Variants in AKAP6 observed in about 807,000 individuals in gnomAD.
AKAP6 encodes the protein A-kinase anchoring protein 6.
A neutral mutation model predicts 188.5 loss-of-function variants in AKAP6; 58 were observed. The observed-to-expected ratio is 0.31, with a 90% CI of 0.25 to 0.38. The LOEUF is 0.38. Among genes scored for constraint, AKAP6 ranks in the 10% least tolerant of loss-of-function variants. The pLI, the probability that AKAP6 is intolerant of heterozygous loss-of-function variation, is 1.00. For missense variants in AKAP6, 2,710 were observed against 2,740.0 expected (o/e 0.99, Z 0.24); for synonymous variants, 989 against 998.6 (o/e 0.99, Z 0.18).
chr14:32,713,347 T>G (rs1736300741), intron 9 of AKAP6, among the ~76,000 whole-genome samples: 1 of 152,024 alleles, frequency 6.6e-6, no homozygotes, highest in African/African-American at 2.4e-5. Flanking sequence ...GAGCACTGGC[T>G]TCAACTCAAC....
At chr14:32,497,533 G>A (rs899834716) in intron 2 of AKAP6, among the ~76,000 whole-genome samples, 6 of 152,024 alleles carry the variant, frequency 3.9e-5, no homozygotes, top group Non-Finnish European at 8.8e-5. Context: ...CTTGGGAAAT[G>A]TTCCATAGAC....
rs1064797187 is a variant in AKAP6, at chr14:32,545,378, A to G, written c.725A>G (p.Asp242Gly). ...GAGGATTTGCTCAGTGGGCTAGGTGACATGACCTCTAGCCAAGTCAAAACC... is the reference window on the plus strand; with the variant it reads ...GAGGATTTGCTCAGTGGGCTAGGTGGCATGACCTCTAGCCAAGTCAAAACC... ...PSEDLLSGLGDMTSSQVKTKP... is the reference protein window; with the variant it reads ...PSEDLLSGLGGMTSSQVKTKP... Residue 242 changes from aspartate (D) to glycine (G), a missense_variant, in exon 4 of 14, where the codon GAC (aspartate) becomes GGC (glycine). Physicochemically the swap from Asp to Gly is moderately conservative, Grantham distance 94. This residue lies in a region of AKAP6 where 237 missense variants were observed against 313.9 expected (regional missense o/e 0.76). Coordinates refer to ENST00000280979, the MANE Select transcript of AKAP6 (RefSeq NM_004274.5). 6.2e-7 allele frequency: 1 copy of G among 1,614,198 alleles called. No individual in the cohort carries two copies. Among genetic ancestry groups the G allele is most frequent in the Non-Finnish European group, 8.5e-7 (1 of 1,180,008 alleles).
chr14:32,362,680 C>A (rs915300424), intron 1 of AKAP6, among the ~76,000 whole-genome samples: 12 of 152,130 alleles, frequency 7.9e-5, no homozygotes, highest in African/African-American at 2.7e-4. Flanking sequence ...CTGGTAGGGA[C>A]AGGCAAGTTA....
At chr14:32,726,343 C>A in intron 9 of AKAP6, 1 of 362,354 alleles carries the variant, frequency 2.8e-6, no homozygotes, top group Non-Finnish European at 3.8e-6. Flanking sequence ...TTGGTTGAAA[C>A]TAATTAAAGA....
chr14:32,803,028 G>T (rs1193272464), intron 12 of AKAP6, among the ~76,000 whole-genome samples: 4 of 152,204 alleles, frequency 2.6e-5, no homozygotes, highest in African/African-American at 9.6e-5. Flanking sequence ...AACTCGGGAG[G>T]CAGAGGCTGC....
chr14:32,418,971 G>C (rs1449146579), intron 1 of AKAP6, among the ~76,000 whole-genome samples: 2 of 151,978 alleles, frequency 1.3e-5, no homozygotes, highest in Non-Finnish European at 2.9e-5. Context: ...TAAATTACTT[G>C]TTCTAGGGAT....
At chr14:32,437,969 T>TGTCAA (rs1435628151) in intron 2 of AKAP6, among the ~76,000 whole-genome samples, 1 of 152,188 alleles carries the variant, frequency 6.6e-6, no homozygotes, top group African/African-American at 2.4e-5. Context: ...GGACCTGAGC[T>TGTCAA]GTCAAGTTTT....
intron 2 of AKAP6, among the ~76,000 whole-genome samples, chr14:32,487,381 T>C (rs1235450425): frequency 6.6e-6 from 1 of 152,248 alleles, no homozygotes; most frequent in African/African-American, 2.4e-5. Context: ...TGGAATAGTT[T>C]CAGCTCCATC....
rs1477744315 is a variant in AKAP6, at chr14:32,546,768, C to G, written c.2115C>G (p.Ala705=). ...RVSPSSSSDI[A]SSLGESIESG... The stretch of plus-strand genomic sequence containing the variant: ...CTCCAAGCTCATCTAGTGACATAGC[C>G]TCTTCACTAGGGGAGAGCATTGAAT... Residue 705 remains alanine (A), a synonymous_variant, in exon 4 of 14, where the codon GCC becomes GCG. Coordinates refer to ENST00000280979, the MANE Select transcript of AKAP6 (RefSeq NM_004274.5). 10 of 1,613,998 alleles carry G rather than the reference C, an allele frequency of 6.2e-6. No individual in the cohort carries two copies. The highest frequency in any genetic ancestry group is 8.5e-6 in the Non-Finnish European group (10 of 1,180,012).
chr14:32,472,663 C>G (rs1279341513), intron 2 of AKAP6, among the ~76,000 whole-genome samples: 2 of 152,154 alleles, frequency 1.3e-5, no homozygotes, highest in African/African-American at 2.4e-5. Flanking sequence ...CTGTCTCCTG[C>G]AGCTGGGAAA....
At chr14:32,447,041 G>A (rs1359056737) in intron 2 of AKAP6, among the ~76,000 whole-genome samples, 2 of 152,120 alleles carry the variant, frequency 1.3e-5, no homozygotes, top group South Asian at 2.1e-4. Flanking sequence ...CCCCAGCTAG[G>A]CATCACAGTA....
rs374396772 is a variant in AKAP6, at chr14:32,695,978, C to T, written c.2880-12C>T. ...GTATTTATGCATACTACATTTTGCGCCTTATCTTCAGGCTTCTGGACTTTG... is the reference window on the plus strand; with the variant it reads ...GTATTTATGCATACTACATTTTGCGTCTTATCTTCAGGCTTCTGGACTTTG... On this transcript the variant is annotated splice_polypyrimidine_tract_variant and intron_variant, in intron 8 of 13. Coordinates refer to ENST00000280979, the MANE Select transcript of AKAP6 (RefSeq NM_004274.5). 6 of 1,610,542 alleles carry T rather than the reference C, an allele frequency of 3.7e-6. No homozygotes were observed. Among genetic ancestry groups the T allele is most frequent in the Non-Finnish European group, 5.1e-6 (6 of 1,179,150 alleles).
At chr14:32,612,427 C>T (rs555609168) in intron 7 of AKAP6, among the ~76,000 whole-genome samples, 2 of 152,016 alleles carry the variant, frequency 1.3e-5, no homozygotes, top group African/African-American at 4.8e-5. Flanking sequence ...AAGACAGAAC[C>T]CTACTTTATC....
At chr14:32,609,856 GTC>G (rs112327950) in intron 7 of AKAP6, among the ~76,000 whole-genome samples, 587 of 135,692 alleles carry the variant, frequency 4.3e-3, no homozygotes, top group Middle Eastern at 0.013. Context: ...TATTCATGAG[GTC>G]TCTCTCTCTC....
At chr14:32,697,511 C>T (rs541930772) in intron 9 of AKAP6, among the ~76,000 whole-genome samples, 148 of 152,170 alleles carry the variant, frequency 9.7e-4, no homozygotes, top group African/African-American at 3.4e-3. Context: ...CATATGAAAA[C>T]GTGCATATAA....
chr14:32,580,798 G>A (rs1439778520), intron 5 of AKAP6, among the ~76,000 whole-genome samples: 5 of 151,614 alleles, frequency 3.3e-5, no homozygotes, highest in Non-Finnish European at 5.9e-5. Flanking sequence ...GTGACAACAT[G>A]CGGTGTTCGT....
intron 7 of AKAP6, among the ~76,000 whole-genome samples, chr14:32,612,384 T>A (rs566773536): frequency 6.6e-6 from 1 of 152,292 alleles, no homozygotes; most frequent in South Asian, 2.1e-4. Flanking sequence ...TATAATAATA[T>A]CATGTGTAGT....
intron 11 of AKAP6, among the ~76,000 whole-genome samples, chr14:32,757,449 G>A (rs1267786020): frequency 6.6e-6 from 1 of 152,184 alleles, no homozygotes; most frequent in East Asian, 1.9e-4. Context: ...TCTGTCCCTG[G>A]AATGCTAACT....
intron 1 of AKAP6, among the ~76,000 whole-genome samples, chr14:32,390,363 C>CT (rs1477710942): frequency 6.6e-6 from 1 of 152,028 alleles, no homozygotes; most frequent in Non-Finnish European, 1.5e-5. Context: ...TCAGGGATTT[C>CT]TTTTTGATTT....
Sources: gnomAD v4.1 joint callset for allele counts (sites outside exome capture counted in the v4.1 genomes callset) on GRCh38, gnomAD v4.1.1 for gene constraint, gnomAD v4.1.1 regional missense constraint, MANE v1.5 for transcripts, NCBI Gene and HGNC (gene_info 2026-07-23, HGNC 2026-07-21) for gene names.